The following MOCOS variants were observed in gnomAD, a reference collection of about 807,000 sequenced individuals.
MOCOS encodes molybdenum cofactor sulfurase, also known as human molybdenum cofactor sulfurase.
A neutral mutation model predicts 83.6 loss-of-function variants in MOCOS; 86 were observed. That is an observed-to-expected ratio of 1.03 (90% confidence interval 0.86 to 1.23). The LOEUF is 1.23. Among genes scored for constraint, MOCOS ranks in the 50% most tolerant of loss-of-function variants. The pLI, the probability that MOCOS is intolerant of heterozygous loss-of-function variation, is 0.00. For synonymous variants in MOCOS, 445 were observed against 434.7 expected (o/e 1.02, Z -0.29); for missense variants, 1,120 against 1,126.9 (o/e 0.99, Z 0.09).
chr18:36,243,542 A>G (rs540336743), intron 9 of MOCOS, among the ~76,000 whole-genome samples: 2 of 152,062 alleles, frequency 1.3e-5, no homozygotes, highest in South Asian at 4.2e-4. Flanking sequence ...TTTTGCATCT[A>G]TATTCATCAG....
chr18:36,201,662 C>CAAAAAAAAAAAAA (rs1568050276), intron 4 of MOCOS, among the ~76,000 whole-genome samples: 1 of 2,524 alleles, frequency 4.0e-4, no homozygotes, highest in African/African-American at 6.4e-4. Flanking sequence ...GACTCCATCT[C>CAAAAAAAAAAAAA]CAAAAAAAAA....
intron 6 of MOCOS, among the ~76,000 whole-genome samples, chr18:36,209,074 G>C (rs1316808234): frequency 6.6e-6 from 1 of 151,962 alleles, no homozygotes; most frequent in Non-Finnish European, 1.5e-5. Flanking sequence ...TTTTAGTTCT[G>C]TTTATGTAAT....
intron 9 of MOCOS, among the ~76,000 whole-genome samples, chr18:36,220,933 GAA>G (rs71712889): frequency 2.8e-5 from 4 of 144,898 alleles, no homozygotes; most frequent in African/African-American, 1.0e-4. Flanking sequence ...TGTCTCAAAA[GAA>G]AAAAAAAAAA....
chr18:36,226,627 G>T (rs371616452), intron 9 of MOCOS, among the ~76,000 whole-genome samples: 20 of 150,540 alleles, frequency 1.3e-4, no homozygotes, highest in African/African-American at 4.9e-4. Context: ...TTCACCTCTT[G>T]CTGTCTTTGT....
At chr18:36,248,239 T>A (rs537715409) in intron 9 of MOCOS, among the ~76,000 whole-genome samples, 1 of 152,248 alleles carries the variant, frequency 6.6e-6, no homozygotes, top group South Asian at 2.1e-4. Context: ...GCCATTTGCA[T>A]GTCTTCTTTC....
chr18:36,260,838 C>T (rs636369), intron 13 of MOCOS, among the ~76,000 whole-genome samples: 129,981 of 151,276 alleles, frequency 0.86, 56,079 homozygotes, highest in Admixed American at 0.89. Flanking sequence ...TCTCTGCCTC[C>T]GTCACAGTGA....
intron 13 of MOCOS, among the ~76,000 whole-genome samples, chr18:36,263,622 A>G (rs540509547): frequency 6.6e-6 from 1 of 152,158 alleles, no homozygotes; most frequent in African/African-American, 2.4e-5. Flanking sequence ...GATGGTTTGG[A>G]TGTCCTAGGA....
At chr18:36,220,306 C>T in intron 9 of MOCOS, 89 bp downstream of exon 9, 2 of 1,507,064 alleles carry the variant, frequency 1.3e-6, no homozygotes, top group Non-Finnish European at 1.8e-6. Context: ...TAGAATAACC[C>T]ATCAGCCTGG....
In MOCOS at chr18:36,219,227, G is replaced by A. The variant is rs548604498; in HGVS notation, c.1798-828G>A. Among the ~76,000 whole-genome samples the A allele has an allele frequency of 7.3e-4, 110 of 151,386 alleles. 1 individual carries two copies. Among genetic ancestry groups the A allele is most frequent in the East Asian group, 5.8e-3 (30 of 5,152 alleles). Reference sequence around the variant, plus strand: ...TTTGACACAGAGTCTCACTCTTGTCGCCCAGGCTGGAGTGCAATGACATGA... The same window carrying A: ...TTTGACACAGAGTCTCACTCTTGTCACCCAGGCTGGAGTGCAATGACATGA... On this transcript the variant is annotated intron_variant, in intron 8 of 14. Coordinates refer to ENST00000261326, the MANE Select transcript of MOCOS (RefSeq NM_017947.4).
intron 9 of MOCOS, among the ~76,000 whole-genome samples, chr18:36,226,994 A>G (rs2091518315): frequency 6.7e-6 from 1 of 149,506 alleles, no homozygotes; most frequent in Non-Finnish European, 1.5e-5. Flanking sequence ...TCAAGCAATC[A>G]TCCCACCTAA....
rs1598595578 is a variant in MOCOS, at chr18:36,260,041, G to C, written c.2275G>C (p.Glu759Gln). Residue 759 changes from glutamate (E) to glutamine (Q), a missense_variant, in exon 13 of 15, where the codon GAG (glutamate) becomes CAG (glutamine). Transcript: ENST00000261326. ...ELHRQLNTSD[E>Q]NGKEELFSLK... ...CTTTTTGGTTGCTTTAATCAGTGATGAGAATGGAAAGGAGGAATTATTCTC... is the reference window on the plus strand; with the variant it reads ...CTTTTTGGTTGCTTTAATCAGTGATCAGAATGGAAAGGAGGAATTATTCTC... The C allele has an allele frequency of 6.2e-7, 1 of 1,614,178 alleles. No homozygotes were observed. The highest frequency in any genetic ancestry group is 1.1e-5 in the South Asian group (1 of 91,084).
rs1029006641 is a variant in MOCOS at position 36,256,540 on chromosome 18, C to T, written c.2165-428C>T. 2.0e-5 allele frequency among the ~76,000 whole-genome samples: 3 copies of T among 150,886 alleles called. No individual in the cohort carries two copies. The South Asian group carries it at 6.3e-4, about 32-fold the overall frequency. ...TCTCGGCTCACTGCAACCTCTGCCT[C>T]ATGGGTTCAAGTGATTCTCCTGCCT... On this transcript the variant is annotated intron_variant, in intron 11 of 14. Coordinates refer to ENST00000261326, the MANE Select transcript of MOCOS (RefSeq NM_017947.4).
At chr18:36,220,479 G>A (rs1404146249) in intron 9 of MOCOS, among the ~76,000 whole-genome samples, 1 of 151,762 alleles carries the variant, frequency 6.6e-6, no homozygotes, top group Non-Finnish European at 1.5e-5. Flanking sequence ...ATTGCATTCC[G>A]GCCTGGGCGA....
intron 4 of MOCOS, among the ~76,000 whole-genome samples, chr18:36,201,109 C>T (rs918817987): frequency 6.6e-6 from 1 of 152,108 alleles, no homozygotes; most frequent in Non-Finnish European, 1.5e-5. Context: ...ACAGTGGGGA[C>T]ACAGGGTTGG....
chr18:36,257,109 T>G, intron 12 of MOCOS, 36 bp downstream of exon 12: 3 of 1,570,492 alleles, frequency 1.9e-6, no homozygotes, highest in Non-Finnish European at 2.6e-6. Context: ...CAGACAAGCA[T>G]AACCATTTGC....
intron 8 of MOCOS, among the ~76,000 whole-genome samples, chr18:36,218,772 A>G (rs1441655342): frequency 6.6e-6 from 1 of 151,894 alleles, no homozygotes; most frequent in Non-Finnish European, 1.5e-5. Context: ...CCCCTGCCTC[A>G]ACCTCCCAAA....
chr18:36,240,945 G>A (rs889972747), intron 9 of MOCOS, among the ~76,000 whole-genome samples: 1 of 152,200 alleles, frequency 6.6e-6, no homozygotes, highest in Non-Finnish European at 1.5e-5. Flanking sequence ...GGAACTCCCT[G>A]ACCCCTTGTG....
chr18:36,262,818 T>C (rs1405466391), intron 13 of MOCOS, among the ~76,000 whole-genome samples: 5 of 152,178 alleles, frequency 3.3e-5, no homozygotes, highest in African/African-American at 7.2e-5. Flanking sequence ...TTCAAGAAAG[T>C]AAATGCTTGG....
chr18:36,215,875 G>C lies in MOCOS; in HGVS notation c.1695G>C (p.Pro565=). ...PPVCDVARTQ[P]TPSEKAAGVL... ...TGTGTGATGTCGCCAGAACCCAGCCGACTCCTTCAGAGAAAGCTGCAGGAG... is the reference window on the plus strand; with the variant it reads ...TGTGTGATGTCGCCAGAACCCAGCCCACTCCTTCAGAGAAAGCTGCAGGAG... Residue 565 remains proline, a synonymous_variant, in exon 8 of 15, where the codon CCG becomes CCC. Coordinates refer to ENST00000261326, the MANE Select transcript of MOCOS (RefSeq NM_017947.4). 1 of 1,614,188 alleles carries C rather than the reference G, an allele frequency of 6.2e-7. No individual in the cohort carries two copies. The highest frequency in any genetic ancestry group is 8.5e-7 in the Non-Finnish European group (1 of 1,180,026).
Sources: allele counts gnomAD v4.1 joint callset (sites outside exome capture counted in the v4.1 genomes callset), GRCh38; gene constraint gnomAD v4.1.1; transcripts MANE v1.5; gene names NCBI Gene and HGNC (gene_info 2026-07-23, HGNC 2026-07-21).